KRT77: variants seen among roughly 807,000 people sequenced by gnomAD.
The protein encoded by KRT77 is keratin, type II cytoskeletal 1b.
KRT77 carries 44 observed loss-of-function variants against 51.5 expected under a neutral mutation model. The observed-to-expected ratio is 0.85, with a 90% CI of 0.67 to 1.10. The LOEUF (loss-of-function observed/expected upper bound fraction) is 1.10. Ranked by LOEUF, KRT77 falls within the 50% of genes least tolerant of loss-of-function variation. The probability of loss-of-function intolerance (pLI) is 0.00; values close to 1 mark genes in which losing one functional copy is unlikely to be tolerated. For synonymous variants in KRT77, 293 were observed against 302.0 expected (o/e 0.97, Z 0.31); for missense variants, 763 against 743.9 (o/e 1.03, Z -0.30).
chr12:52,694,950 G>T, intron 4 of KRT77, 160 bp from the exon 5 acceptor site: 1 of 545,512 alleles, frequency 1.8e-6, no homozygotes. Context: ...GAGATAATAG[G>T]GAGAGTCTTA....
At chr12:52,695,131 C>T (rs572816340) in intron 4 of KRT77, 12 of 180,890 alleles carry the variant, frequency 6.6e-5, no homozygotes, top group Non-Finnish European at 1.2e-4. Flanking sequence ...TACTCCGAGG[C>T]AGTAGAATGG....
intron 1 of KRT77, among the ~76,000 whole-genome samples, chr12:52,702,157 C>T (rs1355591183): frequency 2.0e-5 from 3 of 152,208 alleles, no homozygotes; most frequent in Non-Finnish European, 4.4e-5. Context: ...ATGACACCCT[C>T]CTTTGAGCTA....
Position 52,692,577 on chromosome 12 carries a change from G to A in KRT77, c.1271C>T (p.Ala424Val), listed in dbSNP as rs775052126. 26 of 1,478,302 alleles carry A rather than the reference G, an allele frequency of 1.8e-5. No homozygotes were observed. The highest frequency in any genetic ancestry group is 1.4e-4 in the Admixed American group (8 of 56,246). The allele number at this position is 1,478,302 out of a possible 1,614,324, so 91.6% of individuals were successfully genotyped here. The change falls in exon 7 of 9, where the codon GCG becomes GTG. Residue 424 changes from alanine to valine, a missense_variant. By Grantham distance (64) the Ala-to-Val change is moderately conservative. Transcript: ENST00000341809. ...EERGEQALQD[A>V]WQKLQDLEEA... ...CTCCAGGTCCTGCAGCTTCTGCCAC[G>A]CATCCTGGAGGGCCTGCTCGCCTCT...
At chr12:52,694,921 G>T in intron 4 of KRT77, 131 bp from the exon 5 acceptor site, 1 of 757,210 alleles carries the variant, frequency 1.3e-6, no homozygotes, top group Non-Finnish European at 2.0e-6. Context: ...AAAGCTCTTG[G>T]AATTGTTGTG....
chr12:52,695,772 C>T lies in KRT77; in HGVS notation c.915G>A (p.Thr305=), dbSNP rs372310102. Reference sequence around the variant, plus strand: ...AGGTTCTTATAAAGGCTTAACTCACCGTCAAAAATAAATATTTCAAGAAAT... The same window carrying T: ...AGGTTCTTATAAAGGCTTAACTCACTGTCAAAAATAAATATTTCAAGAAAT... ...EVNFLKYLFL[T]ELSQVQTHIS... is the part of the protein sequence containing the mutation. The change falls in exon 4 of 9, where the codon ACG becomes ACA. Residue 305 remains threonine, a splice_region_variant and synonymous_variant. Coordinates refer to ENST00000341809, the MANE Select transcript of KRT77 (RefSeq NM_175078.3). 22 of 1,605,802 alleles carry T rather than the reference C, an allele frequency of 1.4e-5. No homozygotes were observed. Among genetic ancestry groups the T allele is most frequent in the South Asian group, 2.2e-5 (2 of 90,876 alleles).
chr12:52,695,788 T>G lies in KRT77; in HGVS notation c.899A>C (p.Lys300Thr). Residue 300 changes from lysine (K) to threonine (T), a missense_variant, in exon 4 of 9, where the codon AAA becomes ACA. Lys to Thr is a moderately conservative substitution (Grantham distance 78, BLOSUM62 -1). Coordinates refer to ENST00000341809, the MANE Select transcript of KRT77 (RefSeq NM_175078.3). The stretch of plus-strand genomic sequence containing the variant: ...TTAACTCACCGTCAAAAATAAATAT[T>G]TCAAGAAATTGACCTCCCCAGTCAG... Reference protein sequence around the residue: ...DTLTGEVNFLKYLFLTELSQV... With the variant: ...DTLTGEVNFLTYLFLTELSQV... 6.2e-7 allele frequency: 1 copy of G among 1,612,896 alleles called. No individual in the cohort carries two copies. The highest frequency in any genetic ancestry group is 8.5e-7 in the Non-Finnish European group (1 of 1,178,912).
In KRT77 at chr12:52,702,917, T is replaced by C. The variant is rs777502387; in HGVS notation, c.518A>G (p.Asn173Ser). The change falls in exon 1 of 9, where the codon AAC becomes AGC. Residue 173 changes from asparagine to serine, a missense_variant. Coordinates refer to ENST00000341809, the MANE Select transcript of KRT77 (RefSeq NM_175078.3). ...QEREQIMVLN[N>S]KFASFIDKVR... The stretch of plus-strand genomic sequence containing the variant: ...CTTGTCAATGAAGGAGGCAAACTTG[T>C]TGTTGAGAACCATAATCTGCTCCCG... The C allele has an allele frequency of 2.5e-6, 4 of 1,613,964 alleles. No individual in the cohort carries two copies. Among genetic ancestry groups the C allele is most frequent in the Admixed American group, 1.7e-5 (1 of 59,986 alleles).
rs1941685205 is a variant in KRT77, at chr12:52,690,270, A to C, written c.*895T>G. The C allele has an allele frequency of 6.6e-6, 1 of 152,256 alleles. No individual in the cohort carries two copies. The highest frequency in any genetic ancestry group is 2.4e-5 in the African/African-American group (1 of 41,460). The allele number at this position is 152,256 out of a possible 1,614,324, so 9.4% of individuals were successfully genotyped here. On this transcript the variant is annotated 3_prime_UTR_variant, in exon 9 of 9. Coordinates refer to ENST00000341809, the MANE Select transcript of KRT77 (RefSeq NM_175078.3). ...TCATCAACTCCTGCATCCACTGCTAAAACAGGCTTCCTTTGGGTAAGGATT... is the reference window on the plus strand; with the variant it reads ...TCATCAACTCCTGCATCCACTGCTACAACAGGCTTCCTTTGGGTAAGGATT...
At chr12:52,701,275 G>T (rs534871205) in intron 1 of KRT77, among the ~76,000 whole-genome samples, 4 of 152,208 alleles carry the variant, frequency 2.6e-5, no homozygotes, top group East Asian at 1.9e-4. Context: ...TGCCTGAAGC[G>T]TGGTGATACT....
At chr12:52,702,540 GTGTGTGTGTGTGTT>G (rs1227573989) in intron 1 of KRT77, among the ~76,000 whole-genome samples, 99 of 92,192 alleles carry the variant, frequency 1.1e-3, no homozygotes, top group Middle Eastern at 6.1e-3. Context: ...GTGTGTGTGT[GTGTGTGTGTGTGTT>G]TGTGTGTGTG....
rs1350301848 is a variant in KRT77 at position 52,691,067 on chromosome 12, G to A, written c.*98C>T. 6 of 1,565,894 alleles carry A rather than the reference G, an allele frequency of 3.8e-6. No homozygotes were observed. The highest frequency in any genetic ancestry group is 1.4e-5 in the African/African-American group (1 of 73,832). On this transcript the variant is annotated 3_prime_UTR_variant, in exon 9 of 9. Transcript: ENST00000341809. ...TGGCAAAATTGCTGAGACCCATTAA[G>A]AAAAGTGAATGAGAGGGGATCAGGA...
intron 7 of KRT77, 81 bp downstream of exon 7, chr12:52,692,340 T>C (rs1941723522): frequency 1.3e-6 from 2 of 1,497,198 alleles, no homozygotes; most frequent in South Asian, 2.4e-5. Context: ...GTGGGGCTTA[T>C]CTTTTCTCCA....
chr12:52,696,543 C>T (rs1477939967), intron 2 of KRT77, 113 bp from the exon 3 acceptor site: 2 of 864,184 alleles, frequency 2.3e-6, no homozygotes, highest in Non-Finnish European at 3.8e-6. Flanking sequence ...GTCCTGGGTT[C>T]AGAGAACCCT....
intron 1 of KRT77, among the ~76,000 whole-genome samples, chr12:52,700,458 G>T (rs948912715): frequency 6.6e-6 from 1 of 152,058 alleles, no homozygotes; most frequent in African/African-American, 2.4e-5. Flanking sequence ...GGTGAGGGAG[G>T]AAGGTGGGCC....
At position 52,694,635 on chromosome 12, in the gene KRT77, G is replaced by A; in HGVS notation, c.1071C>T (p.Tyr357=). The A allele has an allele frequency of 2.5e-6, 4 of 1,606,078 alleles. No individual in the cohort carries two copies. Among genetic ancestry groups the A allele is most frequent in the Non-Finnish European group, 2.6e-6 (3 of 1,174,982 alleles). Residue 357 remains tyrosine, a synonymous_variant, in exon 5 of 9, where the codon TAC becomes TAT. Coordinates refer to ENST00000341809, the MANE Select transcript of KRT77 (RefSeq NM_175078.3). ...TGGGGGCCACGCCCACCTTGGTCTG[G>A]TACAGGGCTTCGGCCTCGTCCTTGC... The part of the protein sequence containing the change: ...QRSKDEAEAL[Y]QTKYQELQIT...
chr12:52,694,669 G>T lies in KRT77; in HGVS notation c.1037C>A (p.Ala346Glu). ...TTCGGCCTCGTCCTTGCTCCTCTGT[G>T]CAATCAGTTCATACTGGGTCCGCAC... ...DAVRTQYELI[A>E]QRSKDEAEAL... Residue 346 changes from alanine (A) to glutamate (E), a missense_variant, in exon 5 of 9, where the codon GCA becomes GAA. By Grantham distance (107) the Ala-to-Glu change is moderately radical (BLOSUM62 -1). Transcript: ENST00000341809. The T allele has an allele frequency of 6.2e-7, 1 of 1,612,700 alleles. No homozygotes were observed. The highest frequency in any genetic ancestry group is 8.5e-7 in the Non-Finnish European group (1 of 1,179,034).
Position 52,692,799 on chromosome 12 carries a change from T to C in KRT77, c.1162A>G (p.Thr388Ala). Residue 388 changes from threonine to alanine, a missense_variant, in exon 6 of 9, where the codon ACC becomes GCC. Coordinates refer to ENST00000341809, the MANE Select transcript of KRT77 (RefSeq NM_175078.3). The stretch of plus-strand genomic sequence containing the variant: ...ATCTCTGCCTGCAGCCTCTGGACGG[T>C]GCGGTTGAGCTCTGCAATCTCCATC... ...SKMEIAELNRTVQRLQAEISN... is the reference protein window; with the variant it reads ...SKMEIAELNRAVQRLQAEISN... 1 of 1,604,282 alleles carries C rather than the reference T, an allele frequency of 6.2e-7. No individual in the cohort carries two copies. Among genetic ancestry groups the C allele is most frequent in the Non-Finnish European group, 8.5e-7 (1 of 1,171,724 alleles).
At chr12:52,691,887 C>T (rs765340670) in intron 8 of KRT77, 51 bp downstream of exon 8, 1 of 1,610,702 alleles carries the variant, frequency 6.2e-7, no homozygotes, top group Admixed American at 1.7e-5. Context: ...CCTGGCCCTC[C>T]CTCCACCCAG....
intron 1 of KRT77, among the ~76,000 whole-genome samples, chr12:52,700,610 T>C (rs1941873629): frequency 6.6e-6 from 1 of 151,962 alleles, no homozygotes; most frequent in African/African-American, 2.4e-5. Context: ...CAACAATGAG[T>C]TGGAAGCCTG....
Sources: allele counts gnomAD v4.1 joint callset (sites outside exome capture counted in the v4.1 genomes callset), GRCh38; gene constraint gnomAD v4.1.1; transcripts MANE v1.5; gene names NCBI Gene and HGNC (gene_info 2026-07-23, HGNC 2026-07-21).